Variants in LIMS2 observed in about 807,000 individuals in gnomAD.
LIMS2 encodes LIM and senescent cell antigen-like-containing domain protein 2.
In LIMS2, 30 loss-of-function variants were observed where a neutral mutation model predicts 45.3. The ratio of observed to expected loss-of-function variants is 0.66; its 90% CI spans 0.50 to 0.90. The LOEUF (loss-of-function observed/expected upper bound fraction) is 0.90. Ranked by LOEUF, LIMS2 falls within the 40% of genes least tolerant of loss-of-function variation. The probability of loss-of-function intolerance (pLI) is 0.00; values close to 1 mark genes in which losing one functional copy is unlikely to be tolerated. For synonymous variants in LIMS2, 173 were observed against 188.0 expected (o/e 0.92, Z 0.65); for missense variants, 485 against 468.7 (o/e 1.03, Z -0.32).
chr2:127,674,994 G>T lies in LIMS2; in HGVS notation c.11+20C>A. ...GCAGTCCCGCCTCCCCGGCCCGGGG[G>T]CGTGGGTGGGGGCCGTTACCTTCCC... On this transcript the variant is annotated intron_variant, in intron 1 of 9. Coordinates refer to ENST00000355119, the MANE Select transcript of LIMS2 (RefSeq NM_001161403.3). 8.1e-7 allele frequency: 1 copy of T among 1,229,442 alleles called. No individual in the cohort carries two copies. Among genetic ancestry groups the T allele is most frequent in the Non-Finnish European group, 1.0e-6 (1 of 985,380 alleles). 76.2% of individuals were successfully genotyped at this position (1,229,442 alleles called of 1,614,324 possible). A position where few individuals can be genotyped will look rare whatever the true frequency, so the allele number is the denominator to read the frequency against.
At position 127,654,554 on chromosome 2, in the gene LIMS2, G is replaced by C. The variant is rs779166184; in HGVS notation, c.239-10C>G. On this transcript the variant is annotated splice_polypyrimidine_tract_variant and intron_variant, in intron 3 of 9. Coordinates refer to ENST00000355119, the MANE Select transcript of LIMS2 (RefSeq NM_001161403.3). ...CCAATGATGAACTCACCTGGAAGAA[G>C]ACAGGTCCCTGCTGGCTGGGGAGCA... is the stretch of plus-strand genomic sequence containing the variant. The C allele has an allele frequency of 1.5e-5, 25 of 1,614,102 alleles. No individual in the cohort carries two copies. The South Asian group carries it at 2.4e-4, about 16-fold the overall frequency.
chr2:127,645,424 C>T (rs1002894079), intron 4 of LIMS2, among the ~76,000 whole-genome samples: 3 of 152,214 alleles, frequency 2.0e-5, no homozygotes, highest in African/African-American at 4.8e-5. Context: ...GTCTCAGAGG[C>T]GGCCGCCGGC....
chr2:127,640,307 G>A lies in LIMS2; in HGVS notation c.765C>T (p.Asp255=), dbSNP rs199994172. ...CETHYNQLFG[D]VCYNCSHVIE... ...TCACATGGCTGCAGTTGTAGCAGAC[G>A]TCCCCGAAGAGCTGTGGGCCGAGCA... Residue 255 remains aspartate, a synonymous_variant, in exon 8 of 10, where the codon GAC becomes GAT. Coordinates refer to ENST00000355119, the MANE Select transcript of LIMS2 (RefSeq NM_001161403.3). 9.4e-5 allele frequency: 151 copies of A among 1,612,978 alleles called. 1 individual carries two copies. In the East Asian group the frequency reaches 1.7e-3, roughly 18 times the overall value.
chr2:127,644,974 T>C (rs1353443770), intron 4 of LIMS2, among the ~76,000 whole-genome samples: 1 of 152,222 alleles, frequency 6.6e-6, no homozygotes, highest in Non-Finnish European at 1.5e-5. Context: ...ACAGACCAGA[T>C]CACAGCATCA....
At chr2:127,678,811 C>A (rs1216180188), upstream of LIMS2, among the ~76,000 whole-genome samples, 3 of 152,072 alleles carry the variant, frequency 2.0e-5, no homozygotes, top group African/African-American at 2.4e-5. This position sits in a 1 kb window ranked among gnomAD's most constrained non-coding sequence, Gnocchi z 5.3. Context: ...TTGCATTGGG[C>A]CCTCCCCAGG....
At position 127,664,520 on chromosome 2, in the gene LIMS2, C is replaced by A. The variant is rs1684893116; in HGVS notation, c.12-6958G>T. ...GGGACGGGCGTGTGGGCGCCTCCCC[C>A]GCGCTGGTCGCGAGCTCACGTTACG... On this transcript the variant is annotated intron_variant, in intron 1 of 9. Transcript: ENST00000355119. The surrounding 1 kb of genome is among the most constrained non-coding windows in gnomAD (Gnocchi z 5.5). 3 of 1,152,422 alleles carry A rather than the reference C, an allele frequency of 2.6e-6. No homozygotes were observed. The highest frequency in any genetic ancestry group is 2.1e-6 in the Non-Finnish European group (2 of 937,398). 71.4% of individuals were successfully genotyped at this position (1,152,422 alleles called of 1,614,324 possible).
chr2:127,649,083 GAA>G (rs1315167396), intron 4 of LIMS2, among the ~76,000 whole-genome samples: 1 of 124,806 alleles, frequency 8.0e-6, no homozygotes, highest in Non-Finnish European at 1.8e-5. Context: ...AAAAAGAAAA[GAA>G]AAAAAGAAAA....
chr2:127,641,988 C>A, intron 6 of LIMS2, 61 bp downstream of exon 6: 1 of 1,568,186 alleles, frequency 6.4e-7, no homozygotes, highest in Non-Finnish European at 8.7e-7. Flanking sequence ...AGGGCTCTTA[C>A]CATGACCCTG....
intron 1 of LIMS2, among the ~76,000 whole-genome samples, chr2:127,670,386 T>A (rs925409300): frequency 3.3e-5 from 5 of 152,218 alleles, no homozygotes; most frequent in African/African-American, 1.2e-4. Context: ...CAAAAGGCTA[T>A]ATAATATATG....
chr2:127,654,775 G>A lies in LIMS2; in HGVS notation c.238+55C>T, dbSNP rs772365763. On this transcript the variant is annotated intron_variant, in intron 3 of 9. Coordinates refer to ENST00000355119, the MANE Select transcript of LIMS2 (RefSeq NM_001161403.3). ...GTACCCCCTCGGCCCCCTGCCCCCC[G>A]CCACTGCTGCCCACTTCCCAGGCAG... 5.4e-5 allele frequency: 85 copies of A among 1,577,006 alleles called. No homozygotes were observed. The African/African-American group carries it at 8.2e-4, about 15-fold the overall frequency.
chr2:127,673,194 G>A (rs953026404), intron 1 of LIMS2, among the ~76,000 whole-genome samples: 15 of 152,210 alleles, frequency 9.9e-5, no homozygotes, highest in Admixed American at 3.9e-4. Context: ...TCACAGCTGC[G>A]TCAAACAAAC....
upstream of LIMS2, among the ~76,000 whole-genome samples, chr2:127,677,019 G>T (rs1347645526): frequency 6.6e-6 from 1 of 152,162 alleles, no homozygotes; most frequent in Non-Finnish European, 1.5e-5. This position sits in a 1 kb window ranked among gnomAD's most constrained non-coding sequence, Gnocchi z 5.0. Context: ...GCCAAACCAG[G>T]ACCCTATGCA....
intron 4 of LIMS2, chr2:127,646,441 T>TG (rs1682990994): frequency 1.3e-5 from 2 of 152,318 alleles, no homozygotes; most frequent in South Asian, 2.1e-4. Context: ...GTCCCTCTGA[T>TG]GGGGGCTTGC....
Position 127,642,290 on chromosome 2 carries a change from A to G in LIMS2, c.510-91T>C. 7.3e-7 allele frequency: 1 copy of G among 1,378,824 alleles called. No individual in the cohort carries two copies. Among genetic ancestry groups the G allele is most frequent in the Non-Finnish European group, 9.5e-7 (1 of 1,048,754 alleles). 85.4% of individuals were successfully genotyped at this position (1,378,824 alleles called of 1,614,324 possible). A position where few individuals can be genotyped will look rare whatever the true frequency, so the allele number is the denominator to read the frequency against. ...CTCCACCCCAGGGCACGGCTCCCCG[A>G]GGGGCCCATTCTGTCCCTGCAGAGC... On this transcript the variant is annotated intron_variant, in intron 5 of 9. Coordinates refer to ENST00000355119, the MANE Select transcript of LIMS2 (RefSeq NM_001161403.3). The surrounding 1 kb of genome is among the most constrained non-coding windows in gnomAD (Gnocchi z 5.3).
chr2:127,641,637 TGG>T (rs1682417444), intron 6 of LIMS2: 1 of 163,070 alleles, frequency 6.1e-6, no homozygotes, highest in Non-Finnish European at 1.3e-5. Flanking sequence ...CACCACCCGG[TGG>T]GGGCACTCCA....
At position 127,641,775 on chromosome 2, in the gene LIMS2, T is replaced by C. The variant is rs532859574; in HGVS notation, c.660+274A>G. 65 of 407,804 alleles carry C rather than the reference T, an allele frequency of 1.6e-4. No homozygotes were observed. The South Asian group carries it at 2.6e-3, about 16-fold the overall frequency. 25.3% of individuals were successfully genotyped at this position (407,804 alleles called of 1,614,324 possible). A position where few individuals can be genotyped will look rare whatever the true frequency, so the allele number is the denominator to read the frequency against. ...ACAGACTGCCCCCAAGGTTTTCTCCTGACCTTGGAGTCTCTTAGAATGCCA... is the reference window on the plus strand; with the variant it reads ...ACAGACTGCCCCCAAGGTTTTCTCCCGACCTTGGAGTCTCTTAGAATGCCA... On this transcript the variant is annotated intron_variant, in intron 6 of 9. Coordinates refer to ENST00000355119, the MANE Select transcript of LIMS2 (RefSeq NM_001161403.3).
chr2:127,654,180 G>C (rs1238271826), intron 4 of LIMS2, among the ~76,000 whole-genome samples: 2 of 152,150 alleles, frequency 1.3e-5, no homozygotes, highest in Non-Finnish European at 2.9e-5. Flanking sequence ...GGGGGTGGCA[G>C]AGTGTGAGGA....
At chr2:127,648,168 T>C (rs541639606) in intron 4 of LIMS2, 1 of 985,158 alleles carries the variant, frequency 1.0e-6, no homozygotes, top group African/African-American at 1.7e-5. Context: ...GGGGTCCCCA[T>C]GAGGAACTCC....
rs1195271900 is a variant in LIMS2, at chr2:127,654,514, G to A, written c.269C>T (p.Ala90Val). The change falls in exon 4 of 10, where the codon GCC becomes GTC. Residue 90 changes from alanine to valine, a missense_variant. Physicochemically the swap from Ala to Val is moderately conservative, Grantham distance 64 (BLOSUM62 0). Coordinates refer to ENST00000355119, the MANE Select transcript of LIMS2 (RefSeq NM_001161403.3). ...GEFIIGRVIK[A>V]MNNNWHPGCF... ...GCCCGGGTGCCAGTTGTTGTTCATG[G>A]CCTTGATGACGCGGCCAATGATGAA... The A allele has an allele frequency of 6.2e-7, 1 of 1,614,136 alleles. No homozygotes were observed. Among genetic ancestry groups the A allele is most frequent in the Non-Finnish European group, 8.5e-7 (1 of 1,180,004 alleles).
Sources: allele counts gnomAD v4.1 joint callset (sites outside exome capture counted in the v4.1 genomes callset), GRCh38; gene constraint gnomAD v4.1.1; non-coding constraint Gnocchi (gnomAD v3.1); transcripts MANE v1.5; gene names NCBI Gene and HGNC (gene_info 2026-07-23, HGNC 2026-07-21).